AKAP6: variants seen among roughly 807,000 people sequenced by gnomAD.
The protein encoded by AKAP6 is A-kinase anchoring protein 6, also known as A-kinase anchor protein 6.
A neutral mutation model predicts 188.5 loss-of-function variants in AKAP6; 58 were observed. The observed-to-expected ratio is 0.31, with a 90% CI of 0.25 to 0.38. The LOEUF is 0.38. Among genes scored for constraint, AKAP6 ranks in the 10% least tolerant of loss-of-function variants. AKAP6 has a pLI of 1.00. For synonymous variants in AKAP6, 989 were observed against 998.6 expected (o/e 0.99, Z 0.18); for missense variants, 2,710 against 2,740.0 (o/e 0.99, Z 0.24).
At chr14:32,734,185 C>G (rs951981553) in intron 10 of AKAP6, 1 of 151,876 alleles carries the variant, frequency 6.6e-6, no homozygotes, top group African/African-American at 2.4e-5. Context: ...CTAACACCAC[C>G]AGGCATACTG....
chr14:32,475,754 T>G (rs1201428385), intron 2 of AKAP6, among the ~76,000 whole-genome samples: 1 of 149,964 alleles, frequency 6.7e-6, no homozygotes, highest in African/African-American at 2.4e-5. Flanking sequence ...CTCTGCTCAC[T>G]GCAAGCTCCG....
At chr14:32,795,956 G>A (rs1000244155) in intron 12 of AKAP6, among the ~76,000 whole-genome samples, 5 of 152,166 alleles carry the variant, frequency 3.3e-5, no homozygotes, top group African/African-American at 1.2e-4. Context: ...AAATCAATTT[G>A]CAAAAATTGC....
chr14:32,717,001 A>G (rs895034705), intron 9 of AKAP6, among the ~76,000 whole-genome samples: 1 of 152,120 alleles, frequency 6.6e-6, no homozygotes, highest in Non-Finnish European at 1.5e-5. Flanking sequence ...TGGCAAAGAT[A>G]GCTTTGTCCC....
chr14:32,399,239 G>T (rs561813734), intron 1 of AKAP6, among the ~76,000 whole-genome samples: 1 of 152,226 alleles, frequency 6.6e-6, no homozygotes, highest in Admixed American at 6.5e-5. Flanking sequence ...ACTACAATAA[G>T]TTTGATTAAG....
At chr14:32,589,818 A>G (rs1317238277) in intron 5 of AKAP6, among the ~76,000 whole-genome samples, 1 of 152,204 alleles carries the variant, frequency 6.6e-6, no homozygotes, top group African/African-American at 2.4e-5. Context: ...TATTATACAA[A>G]GCATTGAAGA....
intron 2 of AKAP6, among the ~76,000 whole-genome samples, chr14:32,458,438 A>G (rs1328748973): frequency 1.3e-5 from 2 of 152,140 alleles, no homozygotes; most frequent in African/African-American, 4.8e-5. Flanking sequence ...ATAATTATAT[A>G]TGTTGCTGAT....
At chr14:32,381,371 A>G (rs962897396) in intron 1 of AKAP6, among the ~76,000 whole-genome samples, 2 of 152,172 alleles carry the variant, frequency 1.3e-5, no homozygotes, top group Admixed American at 6.5e-5. Context: ...AGGTCTTCTT[A>G]TGATATTTAT....
In AKAP6 at chr14:32,433,806, G is replaced by A. The variant is rs765953859; in HGVS notation, c.313G>A (p.Val105Ile). 2.0e-5 allele frequency: 32 copies of A among 1,613,056 alleles called. No homozygotes were observed. In the South Asian group the frequency reaches 3.5e-4, roughly 18 times the overall value. ...CAGCAAGCATGTGGATGTACATCTA[G>A]TTCAACTAAAGGTAAGGCAAGGTCT... ...SDSKHVDVHLVQLKDICEDIS... is the reference protein window; with the variant it reads ...SDSKHVDVHLIQLKDICEDIS... The change falls in exon 2 of 14, where the codon GTT becomes ATT. Residue 105 changes from valine (V) to isoleucine (I), a missense_variant. Physicochemically the swap from Val to Ile is conservative, Grantham distance 29. Transcript: ENST00000280979.
intron 12 of AKAP6, among the ~76,000 whole-genome samples, chr14:32,781,843 C>T (rs1430322133): frequency 6.6e-6 from 1 of 152,016 alleles, no homozygotes; most frequent in Non-Finnish European, 1.5e-5. Context: ...ATCCAATATC[C>T]TTCCTGATAA....
At chr14:32,749,952 G>A (rs2032061785) in intron 11 of AKAP6, among the ~76,000 whole-genome samples, 1 of 151,990 alleles carries the variant, frequency 6.6e-6, no homozygotes, top group African/African-American at 2.4e-5. Flanking sequence ...ATTATTTTAG[G>A]CAAGTTTCTT....
intron 1 of AKAP6, among the ~76,000 whole-genome samples, chr14:32,357,841 C>T (rs10135655): frequency 0.37 from 56,239 of 152,044 alleles, 11,444 homozygotes; most frequent in African/African-American, 0.55. Flanking sequence ...TAGTGGCGCC[C>T]GTGTGTAATG....
At chr14:32,733,273 T>A (rs2031268723) in intron 10 of AKAP6, 1 of 153,822 alleles carries the variant, frequency 6.5e-6, no homozygotes, top group African/African-American at 2.4e-5. Context: ...GAGACCAGGA[T>A]GGCACTGTGC....
In AKAP6 at chr14:32,546,093, C is replaced by T; in HGVS notation, c.1440C>T (p.Ser480=). 1 of 1,614,180 alleles carries T rather than the reference C, an allele frequency of 6.2e-7. No individual in the cohort carries two copies. Among genetic ancestry groups the T allele is most frequent in the Non-Finnish European group, 8.5e-7 (1 of 1,180,030 alleles). Reference sequence around the variant, plus strand: ...AATTTCACATTAAAGAAATTTCTTCCAGCCTGGGAAGGCTTAACGACTGCT... The same window carrying T: ...AATTTCACATTAAAGAAATTTCTTCTAGCCTGGGAAGGCTTAACGACTGCT... ...TVKFHIKEIS[S]SLGRLNDCYK... Residue 480 remains serine, a synonymous_variant, in exon 4 of 14, where the codon TCC becomes TCT. Coordinates refer to ENST00000280979, the MANE Select transcript of AKAP6 (RefSeq NM_004274.5).
chr14:32,667,380 T>C (rs1344276196), intron 7 of AKAP6, among the ~76,000 whole-genome samples: 3 of 151,970 alleles, frequency 2.0e-5, no homozygotes, highest in African/African-American at 7.2e-5. Context: ...ACTGTTATGA[T>C]TGACAGGAAA....
intron 11 of AKAP6, among the ~76,000 whole-genome samples, chr14:32,741,831 T>G (rs2031692048): frequency 6.8e-6 from 1 of 147,352 alleles, no homozygotes; most frequent in Non-Finnish European, 1.5e-5. Context: ...TTTTTTTTTT[T>G]TTTTTTTTTT....
At chr14:32,578,538 T>C (rs988989465) in intron 5 of AKAP6, among the ~76,000 whole-genome samples, 2 of 152,166 alleles carry the variant, frequency 1.3e-5, no homozygotes, top group Admixed American at 6.5e-5. Flanking sequence ...CATTTCATAA[T>C]AGCAAGATAA....
At chr14:32,758,904 T>C (rs1033369085) in intron 11 of AKAP6, among the ~76,000 whole-genome samples, 1 of 152,226 alleles carries the variant, frequency 6.6e-6, no homozygotes, top group African/African-American at 2.4e-5. Context: ...CCATCTCAAC[T>C]TGCAACAGTT....
rs7157478 is a variant in AKAP6, at chr14:32,402,832, C to T, written c.-34-30628C>T. On this transcript the variant is annotated intron_variant, in intron 1 of 13. Transcript: ENST00000280979. Reference sequence around the variant, plus strand: ...GCAACCTCTGCTTCATGGGCTCCAGCGATTCTCTTGCCTCAGCCTCCTGAG... The same window carrying T: ...GCAACCTCTGCTTCATGGGCTCCAGTGATTCTCTTGCCTCAGCCTCCTGAG... 7.2e-3 allele frequency among the ~76,000 whole-genome samples: 1,097 copies of T among 151,972 alleles called. 20 individuals are homozygous for T. Among genetic ancestry groups the T allele is most frequent in the African/African-American group, 0.025 (1,048 of 41,448 alleles).
chr14:32,529,962 A>AG (rs1882323205), intron 2 of AKAP6, among the ~76,000 whole-genome samples: 1 of 118,820 alleles, frequency 8.4e-6, no homozygotes, highest in African/African-American at 3.4e-5. Context: ...GGGTAAAGAA[A>AG]CTTTTTTTTT....
Sources: gnomAD v4.1 joint callset for allele counts (sites outside exome capture counted in the v4.1 genomes callset) on GRCh38, gnomAD v4.1.1 for gene constraint, MANE v1.5 for transcripts, NCBI Gene and HGNC (gene_info 2026-07-23, HGNC 2026-07-21) for gene names.